Variants in RAB3C observed in about 807,000 individuals in gnomAD.
The protein encoded by RAB3C is ras-related protein Rab-3C.
Under a neutral mutation model 26.4 loss-of-function variants are expected in RAB3C, and 17 were observed. The observed-to-expected ratio is 0.64, with a 90% CI of 0.44 to 0.97. RAB3C has a LOEUF of 0.97. RAB3C is among the 50% of genes least tolerant of loss of function. The pLI is 0.00. For synonymous variants in RAB3C, 91 were observed against 95.9 expected (o/e 0.95, Z 0.30); for missense variants, 242 against 281.9 (o/e 0.86, Z 1.01).
intron 4 of RAB3C, among the ~76,000 whole-genome samples, chr5:58,841,601 G>A (rs570237937): frequency 1.3e-5 from 2 of 152,280 alleles, no homozygotes; most frequent in Admixed American, 6.5e-5. Context: ...ACAGCTGCAT[G>A]AATTCCTAGC....
At chr5:58,646,318 G>A (rs1747517766) in intron 2 of RAB3C, among the ~76,000 whole-genome samples, 1 of 152,130 alleles carries the variant, frequency 6.6e-6, no homozygotes, top group South Asian at 2.1e-4. Context: ...TAATACCTCT[G>A]CATCCTTAAT....
rs567657154 is a variant in RAB3C, at chr5:58,781,459, T to C, written c.372-43579T>C. ...TAAGTAACTATTTTCTTAGTTCTCC[T>C]AAGCATGGTTCCTAACTACAGTAGC... On this transcript the variant is annotated intron_variant, in intron 3 of 4. Coordinates refer to ENST00000282878, the MANE Select transcript of RAB3C (RefSeq NM_138453.4). 9.9e-5 allele frequency among the ~76,000 whole-genome samples: 15 copies of C among 152,208 alleles called. No homozygotes were observed. In the East Asian group the frequency reaches 2.9e-3, roughly 29 times the overall value.
intron 2 of RAB3C, among the ~76,000 whole-genome samples, chr5:58,635,398 C>CAGTG (rs1747268236): frequency 6.6e-6 from 1 of 152,170 alleles, no homozygotes; most frequent in South Asian, 2.1e-4. Flanking sequence ...AGAAAGAAAG[C>CAGTG]AGTGAATTGG....
intron 3 of RAB3C, among the ~76,000 whole-genome samples, chr5:58,736,987 A>G (rs1199746110): frequency 6.6e-6 from 1 of 152,108 alleles, no homozygotes; most frequent in Admixed American, 6.5e-5. Context: ...CCTCTGCTCC[A>G]AAACTTCACA....
intron 3 of RAB3C, chr5:58,822,715 G>T: frequency 6.4e-6 from 3 of 468,422 alleles, no homozygotes; most frequent in Non-Finnish European, 1.2e-5. Flanking sequence ...TATAGAAGGG[G>T]ATACGGTAGT....
Position 58,812,597 on chromosome 5 carries a change from A to G in RAB3C, c.372-12441A>G, listed in dbSNP as rs535272475. On this transcript the variant is annotated intron_variant, in intron 3 of 4. Transcript: ENST00000282878. ...TGCAAGCTCCCTGAGAGCAGAGACC[A>G]TATCTTTCTTCATGCCTGACAATGC... is the stretch of plus-strand genomic sequence containing the variant. Among the ~76,000 whole-genome samples, 39 of 152,336 alleles carry G rather than the reference A, an allele frequency of 2.6e-4. No homozygotes were observed. The South Asian group carries it at 4.6e-3, about 18-fold the overall frequency.
intron 2 of RAB3C, among the ~76,000 whole-genome samples, chr5:58,632,673 G>A (rs986928170): frequency 6.6e-6 from 1 of 152,152 alleles, no homozygotes; most frequent in African/African-American, 2.4e-5. Context: ...GAGTGGCTGT[G>A]GACAGAGGGT....
At chr5:58,629,444 G>A (rs1202664893) in intron 2 of RAB3C, among the ~76,000 whole-genome samples, 1 of 152,230 alleles carries the variant, frequency 6.6e-6, no homozygotes, top group African/African-American at 2.4e-5. Context: ...CTAGGCCATG[G>A]AGGAGAGGGA....
chr5:58,584,904 G>A (rs1211995259), intron 1 of RAB3C, among the ~76,000 whole-genome samples: 1 of 151,290 alleles, frequency 6.6e-6, no homozygotes, highest in African/African-American at 2.4e-5. Context: ...CTGTATTAAT[G>A]TTTCAGGAAA....
intron 3 of RAB3C, among the ~76,000 whole-genome samples, chr5:58,731,865 G>GT (rs1052318491): frequency 1.3e-5 from 2 of 152,150 alleles, no homozygotes; most frequent in Non-Finnish European, 2.9e-5. Flanking sequence ...AAACTTTGGT[G>GT]TGGGAGGCAA....
chr5:58,664,434 G>A (rs550874077), intron 2 of RAB3C, among the ~76,000 whole-genome samples: 1 of 152,198 alleles, frequency 6.6e-6, no homozygotes, highest in African/African-American at 2.4e-5. Flanking sequence ...TATAGAAATG[G>A]CGAACCATTT....
chr5:58,799,729 T>C (rs1742761832), intron 3 of RAB3C, among the ~76,000 whole-genome samples: 1 of 152,148 alleles, frequency 6.6e-6, no homozygotes, highest in African/African-American at 2.4e-5. Context: ...ATTCATTCCA[T>C]GTCAATCATT....
chr5:58,720,991 A>G (rs560957035), intron 2 of RAB3C, among the ~76,000 whole-genome samples: 1 of 151,866 alleles, frequency 6.6e-6, no homozygotes, highest in African/African-American at 2.4e-5. Context: ...AGAAGGTTTT[A>G]AGAATTCAGT....
chr5:58,793,804 A>C (rs1742582780), intron 3 of RAB3C, among the ~76,000 whole-genome samples: 1 of 152,158 alleles, frequency 6.6e-6, no homozygotes, highest in Non-Finnish European at 1.5e-5. Context: ...TGGAGGAATC[A>C]TTGGTGATGA....
intron 3 of RAB3C, 112 bp from the exon 4 acceptor site, chr5:58,824,926 G>GTTTT: frequency 6.6e-6 from 4 of 606,966 alleles, no homozygotes; most frequent in Non-Finnish European, 5.5e-6. Flanking sequence ...TGGACATCGT[G>GTTTT]TTTTTTTTTT....
chr5:58,801,630 C>G (rs1329155780), intron 3 of RAB3C, among the ~76,000 whole-genome samples: 3 of 152,224 alleles, frequency 2.0e-5, no homozygotes, highest in African/African-American at 7.2e-5. Flanking sequence ...ATAATTTAAT[C>G]CCAGAAAGGG....
At chr5:58,769,243 A>G (rs1351164539) in intron 3 of RAB3C, among the ~76,000 whole-genome samples, 2 of 152,050 alleles carry the variant, frequency 1.3e-5, no homozygotes, top group Admixed American at 6.6e-5. Context: ...GACAGCTCAC[A>G]TTTGAAATTT....
intron 3 of RAB3C, among the ~76,000 whole-genome samples, chr5:58,759,351 T>C (rs555731534): frequency 6.6e-6 from 1 of 152,322 alleles, no homozygotes; most frequent in African/African-American, 2.4e-5. Context: ...AGCTGTTCCC[T>C]GCATCCAGGT....
At chr5:58,730,944 A>G (rs1038378269) in intron 3 of RAB3C, among the ~76,000 whole-genome samples, 10 of 152,140 alleles carry the variant, frequency 6.6e-5, no homozygotes, top group Non-Finnish European at 1.3e-4. Flanking sequence ...CACATTTTAC[A>G]TGGCAGCAGG....
Sources: allele counts gnomAD v4.1 joint callset (sites outside exome capture counted in the v4.1 genomes callset), GRCh38; gene constraint gnomAD v4.1.1; transcripts MANE v1.5; gene names NCBI Gene and HGNC (gene_info 2026-07-23, HGNC 2026-07-21).